The following PEPD variants were observed in gnomAD, a reference collection of about 807,000 sequenced individuals.
PEPD encodes the protein peptidase D.
PEPD carries 53 observed loss-of-function variants against 60.7 expected under a neutral mutation model. The observed-to-expected ratio is 0.87, with a 90% CI of 0.70 to 1.10. The LOEUF is 1.10. PEPD is among the 50% of genes least tolerant of loss of function. The probability of loss-of-function intolerance (pLI) is 0.00; values close to 1 mark genes in which losing one functional copy is unlikely to be tolerated. For missense variants in PEPD, 711 were observed against 711.9 expected, an observed-to-expected ratio of 1.00 and a Z score of 0.01; for synonymous variants, 267 against 284.1, an observed-to-expected ratio of 0.94 and a Z score of 0.60.
chr19:33,491,452 A>G (rs747818662), intron 5 of PEPD, among the ~76,000 whole-genome samples: 1 of 152,194 alleles, frequency 6.6e-6, no homozygotes, highest in East Asian at 1.9e-4. Flanking sequence ...TCCATGTTTG[A>G]AATGTTTGTT....
At chr19:33,440,843 T>C (rs1969468052) in intron 9 of PEPD, among the ~76,000 whole-genome samples, 1 of 152,214 alleles carries the variant, frequency 6.6e-6, no homozygotes, top group Non-Finnish European at 1.5e-5. Context: ...CTGGCACCTG[T>C]TGTTACTCAG....
intron 9 of PEPD, among the ~76,000 whole-genome samples, chr19:33,427,597 C>A (rs1293437386): frequency 4.6e-5 from 7 of 152,292 alleles, no homozygotes; most frequent in African/African-American, 1.2e-4. Flanking sequence ...GTAGCTTAAA[C>A]CTATTTATCA....
chr19:33,406,749 C>T lies in PEPD; in HGVS notation c.819-4880G>A, dbSNP rs567173012. 2.0e-5 allele frequency among the ~76,000 whole-genome samples: 3 copies of T among 152,316 alleles called. No homozygotes were observed. In the East Asian group the frequency reaches 5.8e-4, roughly 29 times the overall value. ...GACAGCAGGAGTAGGCTGGCCGCAT[C>T]CCAGGCTGCAGGGCCCATGTGAGGC... On this transcript the variant is annotated intron_variant, in intron 11 of 14. Transcript: ENST00000244137.
Position 33,471,012 on chromosome 19 carries a change from T to A in PEPD, c.549-6950A>T, listed in dbSNP as rs150456761. Reference sequence around the variant, plus strand: ...GGTGATGAGCAGGAAGAGGTCGTAATCTGCCAAAGGAGAAAGGACCACATC... The same window carrying A: ...GGTGATGAGCAGGAAGAGGTCGTAAACTGCCAAAGGAGAAAGGACCACATC... On this transcript the variant is annotated intron_variant, in intron 7 of 14. Coordinates refer to ENST00000244137, the MANE Select transcript of PEPD (RefSeq NM_000285.4). Among the ~76,000 whole-genome samples the A allele has an allele frequency of 8.5e-5, 13 of 152,264 alleles. No individual in the cohort carries two copies. In the East Asian group the frequency reaches 2.5e-3, roughly 29 times the overall value.
Position 33,415,674 on chromosome 19 carries a change from C to G in PEPD, c.672-2031G>C, listed in dbSNP as rs188395215. 1.3e-4 allele frequency among the ~76,000 whole-genome samples: 20 copies of G among 152,318 alleles called. No individual in the cohort carries two copies. In the East Asian group the frequency reaches 3.9e-3, roughly 29 times the overall value. Reference sequence around the variant, plus strand: ...CTTTTTAAGAAAAAAATAGTGCCTTCAAGAAGGCACAGCTCACAGAAGCAT... The same window carrying G: ...CTTTTTAAGAAAAAAATAGTGCCTTGAAGAAGGCACAGCTCACAGAAGCAT... On this transcript the variant is annotated intron_variant, in intron 9 of 14. Coordinates refer to ENST00000244137, the MANE Select transcript of PEPD (RefSeq NM_000285.4).
In PEPD at chr19:33,410,651, C is replaced by T. The variant is rs529157415; in HGVS notation, c.818+1021G>A. On this transcript the variant is annotated intron_variant, in intron 11 of 14. Transcript: ENST00000244137. ...CAGCCCAGCTGGGCGCCACGCAGGC[C>T]TCAGAGGACATGCCATGCTGCTGGG... Among the ~76,000 whole-genome samples, 12 of 152,046 alleles carry T rather than the reference C, an allele frequency of 7.9e-5. No homozygotes were observed. In the East Asian group the frequency reaches 2.3e-3, roughly 29 times the overall value.
At chr19:33,490,767 G>C (rs953517257) in intron 5 of PEPD, among the ~76,000 whole-genome samples, 1 of 152,208 alleles carries the variant, frequency 6.6e-6, no homozygotes, top group African/African-American at 2.4e-5. Flanking sequence ...AAGTTCAAGT[G>C]ATTCTCCTGC....
At chr19:33,443,417 G>T (rs1206776052) in intron 9 of PEPD, among the ~76,000 whole-genome samples, 3 of 152,068 alleles carry the variant, frequency 2.0e-5, no homozygotes, top group Non-Finnish European at 2.9e-5. Context: ...TTAATAAAAA[G>T]ATATTTAAAT....
Position 33,414,072 on chromosome 19 carries a change from C to G in PEPD, c.672-429G>C, listed in dbSNP as rs542268323. On this transcript the variant is annotated intron_variant, in intron 9 of 14. Coordinates refer to ENST00000244137, the MANE Select transcript of PEPD (RefSeq NM_000285.4). The stretch of plus-strand genomic sequence containing the variant: ...CCGTGCCCAGAGGCCACCACCCACC[C>G]TGCCAGGAGGGGCTGGATCTACGGC... 1.2e-4 allele frequency among the ~76,000 whole-genome samples: 18 copies of G among 152,356 alleles called. No homozygotes were observed. The South Asian group carries it at 3.1e-3, about 26-fold the overall frequency.
chr19:33,389,588 C>T (rs554152886), intron 13 of PEPD, among the ~76,000 whole-genome samples: 1 of 152,220 alleles, frequency 6.6e-6, no homozygotes, highest in Non-Finnish European at 1.5e-5. Context: ...AGCCAGGGGC[C>T]TGGGGGAAGC....
At position 33,431,992 on chromosome 19, in the gene PEPD, C is replaced by CAAAAAAAAAAAAAAAAAAAAAAA. The variant is rs906879187; in HGVS notation, c.672-18350_672-18349insTTTTTTTTTTTTTTTTTTTTTTT. The stretch of plus-strand genomic sequence containing the variant: ...TGGGTAACAGAGCAAGACACCACCT[C>CAAAAAAAAAAAAAAAAAAAAAAA]AAAAAAAAAAAAAAAAAAGGGAAGA... On this transcript the variant is annotated intron_variant, in intron 9 of 14. Coordinates refer to ENST00000244137, the MANE Select transcript of PEPD (RefSeq NM_000285.4). Among the ~76,000 whole-genome samples, 228 of 77,772 alleles carry CAAAAAAAAAAAAAAAAAAAAAAA rather than the reference C, an allele frequency of 2.9e-3. 14 individuals carry two copies. Among genetic ancestry groups the CAAAAAAAAAAAAAAAAAAAAAAA allele is most frequent in the East Asian group, 5.5e-3 (12 of 2,180 alleles). 51.0% of individuals were successfully genotyped at this position (77,772 alleles called of 152,430 possible).
chr19:33,511,054 AG>A lies in PEPD; in HGVS notation c.302del (p.Pro101LeufsTer29). 6.2e-7 allele frequency: 1 copy of A among 1,613,480 alleles called. No homozygotes were observed. Among genetic ancestry groups the A allele is most frequent in the Non-Finnish European group, 8.5e-7 (1 of 1,179,752 alleles). On this transcript the variant is annotated frameshift_variant, in exon 3 of 15. Transcript: ENST00000244137. LOFTEE classifies it high-confidence loss of function. ...GKSTLFVPRL[P>X]ASHATWMGKI... Reference sequence around the variant, plus strand: ...TTCCCATCCAGGTGGCATGGCTGGCAGGAAGCCTGGGCACAAACAGGGTCGA... The same window carrying A: ...TTCCCATCCAGGTGGCATGGCTGGCAGAAGCCTGGGCACAAACAGGGTCGA...
chr19:33,481,364 C>T (rs1317576034), intron 6 of PEPD, among the ~76,000 whole-genome samples: 1 of 151,880 alleles, frequency 6.6e-6, no homozygotes, highest in Non-Finnish European at 1.5e-5. Flanking sequence ...GTCAGGAGTT[C>T]GAGACCAGCC....
chr19:33,418,736 C>G (rs1456294201), intron 9 of PEPD, among the ~76,000 whole-genome samples: 1 of 152,186 alleles, frequency 6.6e-6, no homozygotes, highest in Admixed American at 6.5e-5. Flanking sequence ...TGGGGGACTG[C>G]TGCGTGCCTC....
intron 7 of PEPD, among the ~76,000 whole-genome samples, chr19:33,467,105 C>T (rs1027393193): frequency 1.1e-4 from 17 of 149,684 alleles, no homozygotes; most frequent in African/African-American, 3.4e-4. Context: ...TGCAGTGAGC[C>T]GAGATCACGC....
chr19:33,451,132 A>G (rs1969691101), intron 9 of PEPD, among the ~76,000 whole-genome samples: 1 of 152,216 alleles, frequency 6.6e-6, no homozygotes, highest in Non-Finnish European at 1.5e-5. Context: ...AGCTGTCACA[A>G]TGCCTGAACT....
chr19:33,514,670 G>T (rs544013061), intron 1 of PEPD, among the ~76,000 whole-genome samples: 31 of 151,914 alleles, frequency 2.0e-4, no homozygotes, highest in Non-Finnish European at 3.4e-4. Context: ...GTCAGGAGGA[G>T]AGGGAGGAAG....
chr19:33,410,415 G>A (rs1440792550), intron 11 of PEPD, among the ~76,000 whole-genome samples: 1 of 152,204 alleles, frequency 6.6e-6, no homozygotes, highest in East Asian at 1.9e-4. Flanking sequence ...CTCAACGCTC[G>A]GCAGCTCTCT....
chr19:33,401,060 G>A (rs1174078131), intron 12 of PEPD, among the ~76,000 whole-genome samples: 1 of 152,162 alleles, frequency 6.6e-6, no homozygotes, highest in Non-Finnish European at 1.5e-5. Context: ...GGTACCAGTG[G>A]GGCCTGTGCA....
Sources: gnomAD v4.1 joint callset for allele counts (sites outside exome capture counted in the v4.1 genomes callset) on GRCh38, gnomAD v4.1.1 for gene constraint, MANE v1.5 for transcripts, NCBI Gene and HGNC (gene_info 2026-07-23, HGNC 2026-07-21) for gene names.